Variants in TPM3 observed in about 807,000 individuals in gnomAD.
The protein encoded by TPM3 is tropomyosin 3, also known as tropomyosin alpha-3 chain.
Under a neutral mutation model 43.1 loss-of-function variants are expected in TPM3, and 16 were observed. The observed-to-expected ratio is 0.37, with a 90% CI of 0.25 to 0.56. The LOEUF is 0.56. TPM3 is among the 20% of genes least tolerant of loss of function. The pLI is 0.77. For missense variants in TPM3, 176 were observed against 337.2 expected, an observed-to-expected ratio of 0.52 and a Z score of 3.74; for synonymous variants, 101 against 116.9, an observed-to-expected ratio of 0.86 and a Z score of 0.88.
At chr1:154,180,781 C>A (rs1242021401) in intron 2 of TPM3, among the ~76,000 whole-genome samples, 5 of 151,970 alleles carry the variant, frequency 3.3e-5, no homozygotes, top group Admixed American at 6.6e-5. Flanking sequence ...AAAAAATCGC[C>A]GAGTGTGGTG....
At chr1:154,173,235 C>A (rs368111537) in intron 3 of TPM3, 34 bp from the exon 4 acceptor site, 4 of 1,568,530 alleles carry the variant, frequency 2.6e-6, no homozygotes, top group Admixed American at 3.3e-5. Flanking sequence ...ATACTGACAC[C>A]CTGAGGAGTG....
intron 2 of TPM3, chr1:154,178,039 C>G (rs1662535832): frequency 1.5e-6 from 1 of 649,294 alleles, no homozygotes; most frequent in African/African-American, 2.0e-5. Context: ...CTCACAAACC[C>G]AACAAGGCCA....
downstream of TPM3, among the ~76,000 whole-genome samples, chr1:154,161,376 T>C (rs972391732): frequency 4.0e-5 from 6 of 151,326 alleles, no homozygotes; most frequent in African/African-American, 7.3e-5. Context: ...ATTTAGATAA[T>C]ACCTATAACC....
intron 3 of TPM3, among the ~76,000 whole-genome samples, chr1:154,173,613 G>A (rs1395293691): frequency 6.6e-6 from 1 of 150,806 alleles, no homozygotes; most frequent in Non-Finnish European, 1.5e-5. Context: ...GCGGTGAGCC[G>A]AGATCGAGCC....
chr1:154,191,295 G>C lies in TPM3; in HGVS notation c.134C>G (p.Ala45Gly). 1.2e-6 allele frequency: 2 copies of C among 1,614,050 alleles called. No homozygotes were observed. Among genetic ancestry groups the C allele is most frequent in the Non-Finnish European group, 1.7e-6 (2 of 1,180,028 alleles). Residue 45 changes from alanine to glycine, a missense_variant, in exon 2 of 10, where the codon GCA becomes GGA. Around this residue, in one of 4 missense-constraint regions of TPM3, gnomAD observed 82 missense variants for 148.8 expected, o/e 0.55. Coordinates refer to ENST00000651641, the MANE Select transcript of TPM3 (RefSeq NM_152263.4). ...ERSKQLEDEL[A>G]AMQKKLKGTE... is the part of the protein sequence containing the mutation. Reference sequence around the variant, plus strand: ...CCCTTTCAGCTTCTTCTGCATGGCTGCCAGCTCATCCTCCAGCTATAGGAG... The same window carrying C: ...CCCTTTCAGCTTCTTCTGCATGGCTCCCAGCTCATCCTCCAGCTATAGGAG...
At chr1:154,178,653 C>G (rs1214826984) in intron 2 of TPM3, among the ~76,000 whole-genome samples, 1 of 152,190 alleles carries the variant, frequency 6.6e-6, no homozygotes, top group East Asian at 1.9e-4. Context: ...ATTGAACAGG[C>G]CTACTTTTTG....
At chr1:154,172,065 G>A in intron 5 of TPM3, 1 of 1,614,134 alleles carries the variant, frequency 6.2e-7, no homozygotes, top group Non-Finnish European at 8.5e-7. Context: ...TCAGGTTCTG[G>A]TCCATCAGTC....
chr1:154,175,770 G>T (rs1662233888), intron 3 of TPM3, among the ~76,000 whole-genome samples: 1 of 152,158 alleles, frequency 6.6e-6, no homozygotes, highest in Non-Finnish European at 1.5e-5. Context: ...ATTACAAAAG[G>T]GTCACAACAT....
intron 2 of TPM3, among the ~76,000 whole-genome samples, chr1:154,184,982 T>C (rs187721182): frequency 6.6e-6 from 1 of 151,790 alleles, no homozygotes; most frequent in Non-Finnish European, 1.5e-5. Context: ...GCCTGTAAAC[T>C]GTACTATAGA....
rs1164347388 is a variant in TPM3, at chr1:154,165,004, T to C, written c.*2933A>G. Among the ~76,000 whole-genome samples the C allele has an allele frequency of 6.6e-6, 1 of 152,224 alleles. No homozygotes were observed. The highest frequency in any genetic ancestry group is 1.5e-5 in the Non-Finnish European group (1 of 68,030). On this transcript the variant is annotated 3_prime_UTR_variant, in exon 10 of 10. Coordinates refer to ENST00000651641, the MANE Select transcript of TPM3 (RefSeq NM_152263.4). The stretch of plus-strand genomic sequence containing the variant: ...AGCCTCATTTTAAGACACAACCTGT[T>C]CCCTACTCTGTCTAAATCTACCTTT...
chr1:154,182,839 C>G lies in TPM3; in HGVS notation c.244-6591G>C. The stretch of plus-strand genomic sequence containing the variant: ...TCGTCCGCTTGGTGTCCTACTGGTG[C>G]TGAGCCCCACCCATCCTCCGAGATC... On this transcript the variant is annotated intron_variant, in intron 2 of 9. Transcript: ENST00000651641. 2.4e-6 allele frequency: 3 copies of G among 1,225,242 alleles called. 1 individual carries two copies. The South Asian group carries it at 3.7e-5, about 15-fold the overall frequency. The allele number at this position is 1,225,242 out of a possible 1,614,324, so 75.9% of individuals were successfully genotyped here. A position where few individuals can be genotyped will look rare whatever the true frequency, so the allele number is the denominator to read the frequency against.
At chr1:154,181,735 C>T (rs935632272) in intron 2 of TPM3, among the ~76,000 whole-genome samples, 3 of 152,188 alleles carry the variant, frequency 2.0e-5, no homozygotes, top group Non-Finnish European at 4.4e-5. Flanking sequence ...GCCTGGCCAA[C>T]ATGGCGAAAC....
chr1:154,176,017 G>T, intron 3 of TPM3, 98 bp downstream of exon 3: 1 of 1,585,274 alleles, frequency 6.3e-7, no homozygotes, highest in Non-Finnish European at 8.6e-7. Flanking sequence ...ATCACACGCA[G>T]CCAGAATTGC....
intron 2 of TPM3, chr1:154,183,211 C>A (rs758109396): frequency 8.3e-6 from 13 of 1,571,646 alleles, no homozygotes; most frequent in Admixed American, 1.8e-5. Context: ...CCTGCTACGC[C>A]CTGAAATACC....
Position 154,166,212 on chromosome 1 carries a change from T to C in TPM3, c.*1725A>G, listed in dbSNP as rs1332518930. On this transcript the variant is annotated 3_prime_UTR_variant, in exon 10 of 10. Coordinates refer to ENST00000651641, the MANE Select transcript of TPM3 (RefSeq NM_152263.4). ...TAAGGAAAACTTCCCTACCTGATTA[T>C]ATCTGTTTAAAAGAAGAGCAAAAGT... is the stretch of plus-strand genomic sequence containing the variant. The C allele has an allele frequency of 3.5e-5, 8 of 228,594 alleles. No homozygotes were observed. Among genetic ancestry groups the C allele is most frequent in the Non-Finnish European group, 6.9e-5 (8 of 115,320 alleles). The allele number at this position is 228,594 out of a possible 1,614,324, so 14.2% of individuals were successfully genotyped here. A position where few individuals can be genotyped will look rare whatever the true frequency, so the allele number is the denominator to read the frequency against.
intron 2 of TPM3, among the ~76,000 whole-genome samples, chr1:154,182,825 G>T (rs991054540): frequency 1.3e-5 from 2 of 152,032 alleles, no homozygotes; most frequent in African/African-American, 2.4e-5. Flanking sequence ...CGTCCGCTTG[G>T]TGTCCTACTG....
In TPM3 at chr1:154,167,241, G is replaced by A. The variant is rs534542925; in HGVS notation, c.*696C>T. On this transcript the variant is annotated 3_prime_UTR_variant, in exon 10 of 10. Transcript: ENST00000651641. The stretch of plus-strand genomic sequence containing the variant: ...TTAAAGAAGAAAAAGTAAAAAAACC[G>A]TCCAGAATTCTATCCATTGTGTATT... 3.3e-5 allele frequency: 31 copies of A among 940,250 alleles called. No individual in the cohort carries two copies. In the East Asian group the frequency reaches 3.5e-4, roughly 11 times the overall value. 58.2% of individuals were successfully genotyped at this position (940,250 alleles called of 1,614,324 possible). A position where few individuals can be genotyped will look rare whatever the true frequency, so the allele number is the denominator to read the frequency against.
chr1:154,190,194 G>A (rs965303362), intron 2 of TPM3, among the ~76,000 whole-genome samples: 2 of 152,070 alleles, frequency 1.3e-5, no homozygotes, highest in African/African-American at 4.8e-5. Context: ...CACCCGCCTC[G>A]GCCTTCCAAA....
intron 9 of TPM3, among the ~76,000 whole-genome samples, chr1:154,169,087 C>T (rs530298586): frequency 6.6e-6 from 1 of 152,286 alleles, no homozygotes; most frequent in Admixed American, 6.5e-5. Context: ...CCACCTGCCT[C>T]GGCCTCCCAA....
Sources: allele counts gnomAD v4.1 joint callset (sites outside exome capture counted in the v4.1 genomes callset), GRCh38; gene constraint gnomAD v4.1.1; regional missense constraint gnomAD v4.1.1; transcripts MANE v1.5; gene names NCBI Gene and HGNC (gene_info 2026-07-23, HGNC 2026-07-21).